DCLK1: variants seen among roughly 807,000 people sequenced by gnomAD.
DCLK1 encodes doublecortin like kinase 1, also known as serine/threonine-protein kinase DCLK1.
In DCLK1, 16 loss-of-function variants were observed where a neutral mutation model predicts 86.2. The ratio of observed to expected loss-of-function variants is 0.19; its 90% confidence interval spans 0.13 to 0.28. The LOEUF is 0.28. Ranked by LOEUF, DCLK1 falls within the 10% of genes least tolerant of loss-of-function variation. The pLI is 1.00. For synonymous variants in DCLK1, 369 were observed against 370.5 expected (o/e 1.00, Z 0.05); for missense variants, 590 against 940.2 (o/e 0.63, Z 4.87).
At chr13:35,892,105 T>A (rs1192243592) in intron 4 of DCLK1, among the ~76,000 whole-genome samples, 5 of 152,208 alleles carry the variant, frequency 3.3e-5, no homozygotes, top group Non-Finnish European at 7.3e-5. Context: ...CTCTTGTGTG[T>A]CCTCACCTTG....
intron 3 of DCLK1, among the ~76,000 whole-genome samples, chr13:36,057,094 C>T (rs1883363975): frequency 6.6e-6 from 1 of 151,708 alleles, no homozygotes; most frequent in Admixed American, 6.6e-5. Context: ...GAAATATAGT[C>T]AATATTTAAA....
At chr13:35,933,263 G>A (rs1315216688) in intron 4 of DCLK1, among the ~76,000 whole-genome samples, 2 of 152,222 alleles carry the variant, frequency 1.3e-5, no homozygotes, top group Non-Finnish European at 2.9e-5. Flanking sequence ...TCACAGACTG[G>A]CATTGAGTGT....
intron 4 of DCLK1, among the ~76,000 whole-genome samples, chr13:35,933,503 C>T (rs1257036805): frequency 6.6e-6 from 1 of 152,226 alleles, no homozygotes; most frequent in South Asian, 2.1e-4. Context: ...CATTTCCATA[C>T]ACCCTCTGAC....
At chr13:35,834,933 A>G (rs1869247630) in intron 8 of DCLK1, among the ~76,000 whole-genome samples, 1 of 152,206 alleles carries the variant, frequency 6.6e-6, no homozygotes, top group Non-Finnish European at 1.5e-5. Flanking sequence ...CTGGGGAAGC[A>G]GCTTCCAAAG....
chr13:35,802,238 G>A (rs1377569668), intron 15 of DCLK1, among the ~76,000 whole-genome samples: 4 of 152,056 alleles, frequency 2.6e-5, no homozygotes, highest in Middle Eastern at 3.4e-3. Context: ...AGGCTGAGGC[G>A]GGAGGATTGC....
chr13:35,944,442 A>G (rs1221649848), intron 4 of DCLK1, among the ~76,000 whole-genome samples: 1 of 152,216 alleles, frequency 6.6e-6, no homozygotes, highest in African/African-American at 2.4e-5. Context: ...AATACCACTT[A>G]GCAAGTACAG....
At chr13:35,852,844 C>T (rs1367834334) in intron 6 of DCLK1, among the ~76,000 whole-genome samples, 1 of 152,178 alleles carries the variant, frequency 6.6e-6, no homozygotes, top group Non-Finnish European at 1.5e-5. Flanking sequence ...AGCGGGAATT[C>T]CCAATCACTC....
chr13:35,781,623 A>G (rs1161567776), intron 16 of DCLK1, among the ~76,000 whole-genome samples: 1 of 152,188 alleles, frequency 6.6e-6, no homozygotes, highest in African/African-American at 2.4e-5. Context: ...GCAAACATTG[A>G]CTGCTTTTCC....
intron 3 of DCLK1, among the ~76,000 whole-genome samples, chr13:36,072,501 T>C (rs1281079418): frequency 6.6e-6 from 1 of 152,244 alleles, no homozygotes; most frequent in East Asian, 1.9e-4. Context: ...TCCTGATTTA[T>C]ATCTTCAGGC....
chr13:35,816,291 A>G (rs1230414658), intron 11 of DCLK1, among the ~76,000 whole-genome samples: 1 of 152,224 alleles, frequency 6.6e-6, no homozygotes, highest in African/African-American at 2.4e-5. Flanking sequence ...ACTCAGAAAT[A>G]AACACTGTTC....
chr13:35,862,283 G>A (rs767022397), intron 5 of DCLK1, among the ~76,000 whole-genome samples: 10 of 152,082 alleles, frequency 6.6e-5, no homozygotes, highest in Admixed American at 6.6e-5. Context: ...TGTCTAAAAC[G>A]AAACTCATTC....
At chr13:35,807,853 A>G (rs1256193517) in intron 14 of DCLK1, among the ~76,000 whole-genome samples, 1 of 152,198 alleles carries the variant, frequency 6.6e-6, no homozygotes, top group African/African-American at 2.4e-5. Context: ...ATGGTCTGGG[A>G]AGGCTTCACT....
At chr13:35,871,201 C>T in intron 5 of DCLK1, 23 bp downstream of exon 5, 1 of 1,598,186 alleles carries the variant, frequency 6.3e-7, no homozygotes, top group Non-Finnish European at 8.6e-7. Flanking sequence ...GCAATTTCTT[C>T]AAAATCCCCT....
intron 2 of DCLK1, among the ~76,000 whole-genome samples, chr13:36,112,860 A>G (rs2138191915): frequency 6.6e-6 from 1 of 152,372 alleles, no homozygotes; most frequent in East Asian, 1.9e-4. Context: ...TACAGCTTCA[A>G]AAATGGGCTC....
At chr13:35,825,565 A>T (rs1593631245) in intron 10 of DCLK1, among the ~76,000 whole-genome samples, 2 of 152,230 alleles carry the variant, frequency 1.3e-5, no homozygotes, top group East Asian at 3.9e-4. Context: ...ATTTAGTCTC[A>T]GCACTCCAAA....
intron 7 of DCLK1, among the ~76,000 whole-genome samples, chr13:35,836,532 G>A (rs903408509): frequency 7.2e-5 from 11 of 152,124 alleles, no homozygotes; most frequent in African/African-American, 2.2e-4. Context: ...ACCGCAGTTC[G>A]CAAGGGACTC....
chr13:36,130,100 C>T (rs942621680), intron 1 of DCLK1, among the ~76,000 whole-genome samples: 8 of 152,146 alleles, frequency 5.3e-5, no homozygotes, highest in African/African-American at 1.7e-4. Context: ...GGCCCGTGCA[C>T]CACCACGGAC....
chr13:36,058,290 T>C (rs2153158670), intron 3 of DCLK1, among the ~76,000 whole-genome samples: 1 of 152,248 alleles, frequency 6.6e-6, no homozygotes, highest in African/African-American at 2.4e-5. Flanking sequence ...AGGACAGCAT[T>C]CTGAGAGCCT....
intron 3 of DCLK1, among the ~76,000 whole-genome samples, chr13:36,016,385 T>A (rs1019612063): frequency 3.9e-5 from 6 of 152,164 alleles, no homozygotes; most frequent in Non-Finnish European, 1.5e-5. Flanking sequence ...AATGATCAAC[T>A]AGTCAAGGGG....
Sources: gnomAD v4.1 joint callset for allele counts (sites outside exome capture counted in the v4.1 genomes callset) on GRCh38, gnomAD v4.1.1 for gene constraint, MANE v1.5 for transcripts, NCBI Gene and HGNC (gene_info 2026-07-23, HGNC 2026-07-21) for gene names.